KMT2B: variants seen among roughly 807,000 people sequenced by gnomAD.
KMT2B encodes the protein lysine methyltransferase 2B, also known as histone-lysine N-methyltransferase 2B.
In KMT2B, 22 loss-of-function variants were observed where a neutral mutation model predicts 255.3. The observed-to-expected ratio is 0.09, with a 90% CI of 0.06 to 0.12. The LOEUF (loss-of-function observed/expected upper bound fraction) is 0.12. KMT2B is among the 10% of genes least tolerant of loss of function. The pLI is 1.00. For synonymous variants in KMT2B, 1,730 were observed against 1,498.1 expected (o/e 1.15, Z -3.57); for missense variants, 3,149 against 3,737.0 (o/e 0.84, Z 4.10).
Position 35,727,098 on chromosome 19 carries a change from C to A in KMT2B, c.4004-58C>A. The A allele has an allele frequency of 8.1e-7, 1 of 1,227,842 alleles. No individual in the cohort carries two copies. Among genetic ancestry groups the A allele is most frequent in the Non-Finnish European group, 1.2e-6 (1 of 855,712 alleles). The allele number at this position is 1,227,842 out of a possible 1,614,324, so 76.1% of individuals were successfully genotyped here. A position where few individuals can be genotyped will look rare whatever the true frequency, so the allele number is the denominator to read the frequency against. On this transcript the variant is annotated intron_variant, in intron 14 of 36. Transcript: ENST00000420124. This position sits in a 1 kb window ranked among gnomAD's most constrained non-coding sequence, Gnocchi z 4.2. The stretch of plus-strand genomic sequence containing the variant: ...GGTACTGCTAATCCTTGAACAGAGA[C>A]ACTCAGGGCTGAGTGGGAACTCCAG...
In KMT2B at chr19:35,728,138, C is replaced by G; in HGVS notation, c.4538C>G (p.Pro1513Arg). The G allele has an allele frequency of 1.2e-6, 2 of 1,600,400 alleles. No homozygotes were observed. Among genetic ancestry groups the G allele is most frequent in the African/African-American group, 1.3e-5 (1 of 74,696 alleles). The change falls in exon 19 of 37, where the codon CCC becomes CGC. Residue 1513 changes from proline (P) to arginine (R), a missense_variant. Pro to Arg is a moderately radical substitution (Grantham distance 103). This residue lies in a region of KMT2B where 377 missense variants were observed against 471.0 expected (regional missense o/e 0.80). Coordinates refer to ENST00000420124, the MANE Select transcript of KMT2B (RefSeq NM_014727.3). ...TTCGGCTGGTTCGACGCCCACGACCCCAAGTACTGGCGACGGAGTACCCGG... is the reference window on the plus strand; with the variant it reads ...TTCGGCTGGTTCGACGCCCACGACCGCAAGTACTGGCGACGGAGTACCCGG... ...SAFGWFDAHD[P>R]KYWRRSTRLP...
chr19:35,737,348 CTG>C lies in KMT2B; in HGVS notation c.7550+86_7550+87del. On this transcript the variant is annotated intron_variant, in intron 33 of 36. Transcript: ENST00000420124. This position sits in a 1 kb window ranked among gnomAD's most constrained non-coding sequence, Gnocchi z 5.3. The stretch of plus-strand genomic sequence containing the variant: ...GGGAGTTAACTGTAGAGGTTGGAAA[CTG>C]AGGCCTGGGGAGGAGACACTAGGTC... 5 of 1,356,390 alleles carry C rather than the reference CTG, an allele frequency of 3.7e-6. No homozygotes were observed. Among genetic ancestry groups the C allele is most frequent in the South Asian group, 1.5e-5 (1 of 65,458 alleles). The allele number at this position is 1,356,390 out of a possible 1,614,324, so 84.0% of individuals were successfully genotyped here. A position where few individuals can be genotyped will look rare whatever the true frequency, so the allele number is the denominator to read the frequency against.
chr19:35,737,194 A>G lies in KMT2B; in HGVS notation c.7481A>G (p.Gln2494Arg). 6.3e-7 allele frequency: 1 copy of G among 1,598,072 alleles called. No homozygotes were observed. Among genetic ancestry groups the G allele is most frequent in the South Asian group, 1.1e-5 (1 of 88,652 alleles). Reference sequence around the variant, plus strand: ...CAGCACTATAAGTTCCGTTACCACCAGCAGGGAGAGGGCCAGGAGGAGCCG... The same window carrying G: ...CAGCACTATAAGTTCCGTTACCACCGGCAGGGAGAGGGCCAGGAGGAGCCG... ...RCQHYKFRYH[Q>R]QGEGQEEPPL... The change falls in exon 33 of 37, where the codon CAG (glutamine) becomes CGG (arginine). Residue 2494 changes from glutamine to arginine, a missense_variant. Physicochemically the swap from Gln to Arg is conservative, Grantham distance 43 (BLOSUM62 1). Transcript: ENST00000420124. The surrounding 1 kb of genome is among the most constrained non-coding windows in gnomAD (Gnocchi z 5.3).
rs763640637 is a variant in KMT2B, at chr19:35,726,325, C to T, written c.3975C>T (p.Cys1325=). ...DVEWSGDYSL[C]PRCTQLYEKG... is the part of the protein sequence containing the mutation. The stretch of plus-strand genomic sequence containing the variant: ...AGTGGTCTGGAGATTACAGCCTCTG[C>T]CCCAGGTGCACCCAGCTATATGAGA... Residue 1325 remains cysteine, a synonymous_variant, in exon 14 of 37, where the codon TGC becomes TGT. Transcript: ENST00000420124. The T allele has an allele frequency of 6.2e-7, 1 of 1,613,272 alleles. No homozygotes were observed. Among genetic ancestry groups the T allele is most frequent in the Non-Finnish European group, 8.5e-7 (1 of 1,179,480 alleles).
Position 35,732,817 on chromosome 19 carries a change from G to T in KMT2B, c.6268G>T (p.Val2090Leu). 2 of 1,606,716 alleles carry T rather than the reference G, an allele frequency of 1.2e-6. No homozygotes were observed. Among genetic ancestry groups the T allele is most frequent in the Non-Finnish European group, 1.7e-6 (2 of 1,177,308 alleles). ...GGGCACGCCTCCTTCGGGGCCAGGA[G>T]TAGTCCGGGCAGGGGTCCTTGGGGC... is the stretch of plus-strand genomic sequence containing the variant. ...GQGTPPSGPG[V>L]VRAGVLGAAG... The change falls in exon 28 of 37, where the codon GTA (valine) becomes TTA (leucine). Residue 2090 changes from valine to leucine, a missense_variant. Physicochemically the swap from Val to Leu is conservative, Grantham distance 32 (BLOSUM62 1). Around this residue, in one of 18 missense-constraint regions of KMT2B, gnomAD observed 897 missense variants for 825.3 expected, o/e 1.09. Coordinates refer to ENST00000420124, the MANE Select transcript of KMT2B (RefSeq NM_014727.3).
rs372733340 is a variant in KMT2B, at chr19:35,737,216, G to A, written c.7503G>A (p.Glu2501=). 2 of 1,580,592 alleles carry A rather than the reference G, an allele frequency of 1.3e-6. No individual in the cohort carries two copies. The highest frequency in any genetic ancestry group is 1.7e-6 in the Non-Finnish European group (2 of 1,163,850). The change falls in exon 33 of 37, where the codon GAG becomes GAA. Residue 2501 remains glutamate, a synonymous_variant. Coordinates refer to ENST00000420124, the MANE Select transcript of KMT2B (RefSeq NM_014727.3). This position sits in a 1 kb window ranked among gnomAD's most constrained non-coding sequence, Gnocchi z 5.3. ...ACCAGCAGGGAGAGGGCCAGGAGGA[G>A]CCGCCCCTGAATCCCCATGGGGCTG... ...RYHQQGEGQE[E]PPLNPHGAAR... is the part of the protein sequence containing the mutation.
At chr19:35,722,298 C>T (rs1348671403) in intron 3 of KMT2B, 61 bp from the exon 4 acceptor site, 4 of 1,495,244 alleles carry the variant, frequency 2.7e-6, no homozygotes, top group African/African-American at 2.8e-5. Flanking sequence ...CCACCACACC[C>T]AGCTCCCTGT....
Position 35,732,210 on chromosome 19 carries a change from C to A in KMT2B, c.5666-5C>A, listed in dbSNP as rs61351824. ...CTGCTGGTAACACCAACCCTCCCCC[C>A]ACAGGAAGTCCATCTTCACTGACCC... On this transcript the variant is annotated splice_region_variant and splice_polypyrimidine_tract_variant and intron_variant, in intron 27 of 36. Transcript: ENST00000420124. 161,874 of 1,583,676 alleles carry A rather than the reference C, an allele frequency of 0.1. 8,821 individuals carry two copies. Among genetic ancestry groups the A allele is most frequent in the South Asian group, 0.11 (9,849 of 87,680 alleles).
At position 35,732,962 on chromosome 19, in the gene KMT2B, C is replaced by G. The variant is rs772818778; in HGVS notation, c.6413C>G (p.Pro2138Arg). The change falls in exon 28 of 37, where the codon CCG becomes CGG. Residue 2138 changes from proline to arginine, a missense_variant. By Grantham distance (103) the Pro-to-Arg change is moderately radical. Coordinates refer to ENST00000420124, the MANE Select transcript of KMT2B (RefSeq NM_014727.3). ...GGCCCTAGAGAGGAGTCACTCCCCC[C>G]GGCGCCTCCCCTGGCTAATGGCAGC... is the stretch of plus-strand genomic sequence containing the variant. The part of the protein sequence containing the change: ...GAGPREESLP[P>R]APPLANGSQP... 51 of 1,604,608 alleles carry G rather than the reference C, an allele frequency of 3.2e-5. No individual in the cohort carries two copies. The highest frequency in any genetic ancestry group is 3.9e-5 in the Non-Finnish European group (46 of 1,176,362).
At chr19:35,736,664 C>G in intron 30 of KMT2B, 26 bp from the exon 31 acceptor site, 1 of 1,610,674 alleles carries the variant, frequency 6.2e-7, no homozygotes, top group African/African-American at 1.3e-5. Flanking sequence ...GGGTGATCTT[C>G]ACTCCAACCT....
At position 35,723,993 on chromosome 19, in the gene KMT2B, C is replaced by T. The variant is rs777732637; in HGVS notation, c.3320C>T (p.Thr1107Ile). The change falls in exon 8 of 37, where the codon ACC becomes ATC. Residue 1107 changes from threonine to isoleucine, a missense_variant. Transcript: ENST00000420124. The surrounding 1 kb of genome is among the most constrained non-coding windows in gnomAD (Gnocchi z 7.5). Reference sequence around the variant, plus strand: ...GGCCCCCCTGCTCCTCGGCGTCGGACCCCCCGAGAAAATGGTGCGAACTGC... The same window carrying T: ...GGCCCCCCTGCTCCTCGGCGTCGGATCCCCCGAGAAAATGGTGCGAACTGC... Reference protein sequence around the residue: ...PGGPPAPRRRTPRENELPLPE... With the variant: ...PGGPPAPRRRIPRENELPLPE... 3.8e-6 allele frequency: 6 copies of T among 1,587,822 alleles called. No individual in the cohort carries two copies. The African/African-American group carries it at 5.4e-5, about 14-fold the overall frequency.
chr19:35,737,290 G>T lies in KMT2B; in HGVS notation c.7550+27G>T. On this transcript the variant is annotated intron_variant, in intron 33 of 36. Transcript: ENST00000420124. This position sits in a 1 kb window ranked among gnomAD's most constrained non-coding sequence, Gnocchi z 5.3. ...TGAGAGGTCTGGGGTGTGATGCCTG[G>T]GTCAGGGCGCCCCTATGAGAGCTCT... 1.4e-6 allele frequency: 2 copies of T among 1,471,664 alleles called. No individual in the cohort carries two copies. Among genetic ancestry groups the T allele is most frequent in the South Asian group, 1.4e-5 (1 of 71,074 alleles). 91.2% of individuals were successfully genotyped at this position (1,471,664 alleles called of 1,614,324 possible).
chr19:35,732,962 C>T lies in KMT2B; in HGVS notation c.6413C>T (p.Pro2138Leu), dbSNP rs772818778. ...GAGPREESLPPAPPLANGSQP... is the reference protein window; with the variant it reads ...GAGPREESLPLAPPLANGSQP... The stretch of plus-strand genomic sequence containing the variant: ...GGCCCTAGAGAGGAGTCACTCCCCC[C>T]GGCGCCTCCCCTGGCTAATGGCAGC... Residue 2138 changes from proline (P) to leucine (L), a missense_variant, in exon 28 of 37, where the codon CCG becomes CTG. Physicochemically the swap from Pro to Leu is moderately conservative, Grantham distance 98 (BLOSUM62 -3). Transcript: ENST00000420124. The T allele has an allele frequency of 6.9e-5, 110 of 1,604,728 alleles. No individual in the cohort carries two copies. Among genetic ancestry groups the T allele is most frequent in the Middle Eastern group, 1.7e-4 (1 of 6,042 alleles).
chr19:35,732,210 C>T lies in KMT2B; in HGVS notation c.5666-5C>T, dbSNP rs61351824. 6.9e-6 allele frequency: 11 copies of T among 1,583,860 alleles called. No individual in the cohort carries two copies. The highest frequency in any genetic ancestry group is 3.3e-4 in the Middle Eastern group (2 of 6,000). Reference sequence around the variant, plus strand: ...CTGCTGGTAACACCAACCCTCCCCCCACAGGAAGTCCATCTTCACTGACCC... The same window carrying T: ...CTGCTGGTAACACCAACCCTCCCCCTACAGGAAGTCCATCTTCACTGACCC... On this transcript the variant is annotated splice_region_variant and splice_polypyrimidine_tract_variant and intron_variant, in intron 27 of 36. Transcript: ENST00000420124.
Position 35,733,036 on chromosome 19 carries a change from T to G in KMT2B, c.6487T>G (p.Phe2163Val). The change falls in exon 28 of 37, where the codon TTT (phenylalanine) becomes GTT (valine). Residue 2163 changes from phenylalanine (F) to valine (V), a missense_variant. Physicochemically the swap from Phe to Val is conservative, Grantham distance 50. Coordinates refer to ENST00000420124, the MANE Select transcript of KMT2B (RefSeq NM_014727.3). This position sits in a 1 kb window ranked among gnomAD's most constrained non-coding sequence, Gnocchi z 4.3. ...TASPADPTRT[F>V]AWLPGAPGVR... Reference sequence around the variant, plus strand: ...CAGCCCAGCTGACCCCACCCGCACATTTGCCTGGCTCCCAGGGGCCCCAGG... The same window carrying G: ...CAGCCCAGCTGACCCCACCCGCACAGTTGCCTGGCTCCCAGGGGCCCCAGG... 1 of 1,589,436 alleles carries G rather than the reference T, an allele frequency of 6.3e-7. No individual in the cohort carries two copies. Among genetic ancestry groups the G allele is most frequent in the Non-Finnish European group, 8.6e-7 (1 of 1,168,150 alleles).
intron 2 of KMT2B, 78 bp from the exon 3 acceptor site, chr19:35,719,706 G>C (rs2146433122): frequency 6.5e-7 from 1 of 1,531,742 alleles, no homozygotes; most frequent in South Asian, 1.3e-5. Context: ...GCAAGACTTA[G>C]TCCCTGCCCT....
chr19:35,721,273 G>T lies in KMT2B; in HGVS notation c.1926G>T (p.Arg642=), dbSNP rs772709445. The change falls in exon 3 of 37, where the codon CGG becomes CGT. Residue 642 remains arginine, a synonymous_variant. Coordinates refer to ENST00000420124, the MANE Select transcript of KMT2B (RefSeq NM_014727.3). The part of the protein sequence containing the change: ...SPPPAPATSS[R]RPLLLRAPQF... Reference sequence around the variant, plus strand: ...CCCCTGCTCCTGCCACCTCCTCCCGGAGGCCCCTACTCCTTCGGGCCCCTC... The same window carrying T: ...CCCCTGCTCCTGCCACCTCCTCCCGTAGGCCCCTACTCCTTCGGGCCCCTC... 6.6e-6 allele frequency: 8 copies of T among 1,220,804 alleles called. No individual in the cohort carries two copies. In the South Asian group the frequency reaches 8.2e-5, roughly 12 times the overall value. The allele number at this position is 1,220,804 out of a possible 1,614,324, so 75.6% of individuals were successfully genotyped here.
In KMT2B at chr19:35,727,974, C is replaced by A. The variant is rs1346447927; in HGVS notation, c.4486C>A (p.Leu1496Ile). 2 of 1,569,156 alleles carry A rather than the reference C, an allele frequency of 1.3e-6. No homozygotes were observed. Among genetic ancestry groups the A allele is most frequent in the Non-Finnish European group, 1.7e-6 (2 of 1,155,380 alleles). The part of the protein sequence containing the change: ...DRRAGGQMKG[L>I]LLKLLESAFG... ...CCGGGCTGGAGGCCAGATGAAGGGG[C>A]TCCTGCTGAAGGTGAGCTCTTCCGG... is the stretch of plus-strand genomic sequence containing the variant. Residue 1496 changes from leucine (L) to isoleucine (I), a missense_variant, in exon 18 of 37, where the codon CTC becomes ATC. This residue lies in a region of KMT2B where 377 missense variants were observed against 471.0 expected (regional missense o/e 0.80). Coordinates refer to ENST00000420124, the MANE Select transcript of KMT2B (RefSeq NM_014727.3). This position sits in a 1 kb window ranked among gnomAD's most constrained non-coding sequence, Gnocchi z 4.2.
At position 35,721,612 on chromosome 19, in the gene KMT2B, ACCACAG is replaced by A. The variant is rs774495085; in HGVS notation, c.2273_2278del (p.Pro758_Gln759del). On this transcript the variant is annotated inframe_deletion, in exon 3 of 37. Coordinates refer to ENST00000420124, the MANE Select transcript of KMT2B (RefSeq NM_014727.3). ...AGCTCCTGCCCCAGGCACTACCGCC[ACCACAG>A]CCACAGCTGCAGCCACCGCCGTCAC... 2 of 1,608,462 alleles carry A rather than the reference ACCACAG, an allele frequency of 1.2e-6. No individual in the cohort carries two copies. Among genetic ancestry groups the A allele is most frequent in the Non-Finnish European group, 1.7e-6 (2 of 1,176,212 alleles).
Sources: allele counts gnomAD v4.1 joint callset, GRCh38; gene constraint gnomAD v4.1.1; regional missense constraint gnomAD v4.1.1; non-coding constraint Gnocchi (gnomAD v3.1); transcripts MANE v1.5; gene names NCBI Gene and HGNC (gene_info 2026-07-23, HGNC 2026-07-21).